CACNA1E: variants seen among roughly 807,000 people sequenced by gnomAD.
CACNA1E encodes calcium voltage-gated channel subunit alpha1 E.
CACNA1E carries 40 observed loss-of-function variants against 259.2 expected under a neutral mutation model. That is an observed-to-expected ratio of 0.15 (90% confidence interval 0.12 to 0.20). CACNA1E has a LOEUF of 0.20. CACNA1E is among the 10% of genes least tolerant of loss of function. CACNA1E has a pLI of 1.00. For missense variants in CACNA1E, 1,874 were observed against 3,040.1 expected, an observed-to-expected ratio of 0.62 and a Z score of 9.02; for synonymous variants, 1,104 against 1,138.5, an observed-to-expected ratio of 0.97 and a Z score of 0.61.
intron 2 of CACNA1E, among the ~76,000 whole-genome samples, chr1:181,455,155 G>T (rs72731213): frequency 0.13 from 20,217 of 152,206 alleles, 1,713 homozygotes; most frequent in Non-Finnish European, 0.18. Flanking sequence ...AAATAGTGGT[G>T]GTTGAAAGCC....
At chr1:181,627,473 G>T (rs184974660) in intron 6 of CACNA1E, among the ~76,000 whole-genome samples, 12 of 152,304 alleles carry the variant, frequency 7.9e-5, no homozygotes, top group Non-Finnish European at 1.6e-4. Context: ...GGGAGATAAG[G>T]CTCGGTAAAT....
chr1:181,749,773 T>C (rs983182645), intron 25 of CACNA1E, among the ~76,000 whole-genome samples: 3 of 152,256 alleles, frequency 2.0e-5, no homozygotes, highest in Non-Finnish European at 4.4e-5. Context: ...ACTGGGATGA[T>C]TTTTCACCTT....
chr1:181,561,638 G>T (rs1449923634), intron 3 of CACNA1E, among the ~76,000 whole-genome samples: 1 of 152,022 alleles, frequency 6.6e-6, no homozygotes, highest in African/African-American at 2.4e-5. Flanking sequence ...CTTTATTTCT[G>T]CCTAGTATTC....
At chr1:181,747,291 A>G (rs1019888744) in intron 25 of CACNA1E, among the ~76,000 whole-genome samples, 4 of 152,232 alleles carry the variant, frequency 2.6e-5, no homozygotes, top group African/African-American at 9.6e-5. Context: ...CCTGGCAGAA[A>G]TCAACTTGAG....
intron 1 of CACNA1E, among the ~76,000 whole-genome samples, chr1:181,407,825 T>A (rs1657575880): frequency 6.6e-6 from 1 of 152,184 alleles, no homozygotes; most frequent in Non-Finnish European, 1.5e-5. Context: ...ACTGTATCAG[T>A]TCTCTCTCAA....
intron 25 of CACNA1E, among the ~76,000 whole-genome samples, chr1:181,740,626 A>C (rs930910508): frequency 6.6e-6 from 1 of 152,170 alleles, no homozygotes; most frequent in Admixed American, 6.5e-5. Context: ...GACTGTGTCC[A>C]CTGCTTCCTC....
At chr1:181,452,424 GTT>G in intron 2 of CACNA1E, among the ~76,000 whole-genome samples, 1 of 152,300 alleles carries the variant, frequency 6.6e-6, no homozygotes, top group East Asian at 1.9e-4. Flanking sequence ...TAGATCCAAA[GTT>G]TGATTCTTTC....
chr1:181,724,250 G>T lies in CACNA1E; in HGVS notation c.2075-220G>T, dbSNP rs77413972. Among the ~76,000 whole-genome samples the T allele has an allele frequency of 3.5e-3, 535 of 152,300 alleles. 2 individuals are homozygous for T. Among genetic ancestry groups the T allele is most frequent in the African/African-American group, 0.011 (449 of 41,552 alleles). On this transcript the variant is annotated intron_variant, in intron 16 of 47. Coordinates refer to ENST00000367573, the MANE Select transcript of CACNA1E (RefSeq NM_001205293.3). ...CAAGTATTTCTTTATCCTGGGTAAA[G>T]AGATGATATGCAGAAGGAGGGAAGA...
chr1:181,608,084 A>C (rs958858450), intron 6 of CACNA1E, among the ~76,000 whole-genome samples: 2 of 152,190 alleles, frequency 1.3e-5, no homozygotes, highest in Non-Finnish European at 2.9e-5. Flanking sequence ...AGGGACCTCA[A>C]CCTGCCTGAA....
In CACNA1E at chr1:181,793,771, C is replaced by T. The variant is rs765939713; in HGVS notation, c.6005C>T (p.Pro2002Leu). ...GGATCTGGGAGGGCATCTTCTATGCCACGTCTGACTGTGGATCCCCAGGTA... is the reference window on the plus strand; with the variant it reads ...GGATCTGGGAGGGCATCTTCTATGCTACGTCTGACTGTGGATCCCCAGGTA... ...HAGSGRASSM[P>L]RLTVDPQVVT... The change falls in exon 45 of 48, where the codon CCA becomes CTA. Residue 2002 changes from proline to leucine, a missense_variant. Physicochemically the swap from Pro to Leu is moderately conservative, Grantham distance 98. Transcript: ENST00000367573. The T allele has an allele frequency of 4.3e-6, 7 of 1,611,610 alleles. No homozygotes were observed. Among genetic ancestry groups the T allele is most frequent in the Non-Finnish European group, 5.9e-6 (7 of 1,179,390 alleles).
intron 6 of CACNA1E, among the ~76,000 whole-genome samples, chr1:181,606,971 C>T (rs1001921282): frequency 1.3e-5 from 2 of 152,166 alleles, no homozygotes; most frequent in Non-Finnish European, 2.9e-5. Flanking sequence ...CACTCATGAC[C>T]CTTTCAATTT....
chr1:181,342,376 A>G (rs1352227990), intron 1 of CACNA1E, among the ~76,000 whole-genome samples: 1 of 152,210 alleles, frequency 6.6e-6, no homozygotes, highest in Admixed American at 6.5e-5. Context: ...CTATTTTGGC[A>G]CCAAGAGACA....
At chr1:181,327,188 A>G (rs1057402389) in intron 1 of CACNA1E, among the ~76,000 whole-genome samples, 3 of 152,196 alleles carry the variant, frequency 2.0e-5, no homozygotes, top group African/African-American at 7.2e-5. Context: ...ACAAGTAAAG[A>G]TGCTACTCTG....
chr1:181,458,895 T>A (rs1304651426), intron 2 of CACNA1E, among the ~76,000 whole-genome samples: 2 of 152,146 alleles, frequency 1.3e-5, no homozygotes, highest in African/African-American at 4.8e-5. Flanking sequence ...TCAACAAATA[T>A]TCAAGAAATA....
chr1:181,525,090 TAG>T (rs1195798691), intron 3 of CACNA1E, among the ~76,000 whole-genome samples: 3 of 152,226 alleles, frequency 2.0e-5, no homozygotes, highest in Admixed American at 2.0e-4. Context: ...GTCTGATGTG[TAG>T]ATAGTATATA....
In CACNA1E at chr1:181,568,028, G is replaced by A. The variant is rs897223217; in HGVS notation, c.513-9738G>A. 5.3e-5 allele frequency among the ~76,000 whole-genome samples: 8 copies of A among 151,992 alleles called. No homozygotes were observed. The East Asian group carries it at 5.8e-4, about 11-fold the overall frequency. ...GCTTAATGTAGGCTATGATCAAAAAGGCTTGAAAATCACCACTTTATATGC... is the reference window on the plus strand; with the variant it reads ...GCTTAATGTAGGCTATGATCAAAAAAGCTTGAAAATCACCACTTTATATGC... On this transcript the variant is annotated intron_variant, in intron 3 of 47. Transcript: ENST00000367573.
At chr1:181,437,406 A>G (rs1660165644) in intron 2 of CACNA1E, among the ~76,000 whole-genome samples, 5 of 152,058 alleles carry the variant, frequency 3.3e-5, no homozygotes, top group Admixed American at 1.3e-4. Flanking sequence ...ACGCCTCTTT[A>G]TCCTCGGTCC....
At position 181,790,535 on chromosome 1, in the gene CACNA1E, G is replaced by T; in HGVS notation, c.5877G>T (p.Gln1959His). Reference protein sequence around the residue: ...LACMDPADDGQFQERQSLEPE... With the variant: ...LACMDPADDGHFQERQSLEPE... Reference sequence around the variant, plus strand: ...GTATGGACCCCGCCGATGACGGACAGTTCCAAGAACGGCAGTCTCTGGTGA... The same window carrying T: ...GTATGGACCCCGCCGATGACGGACATTTCCAAGAACGGCAGTCTCTGGTGA... The change falls in exon 44 of 48, where the codon CAG (glutamine) becomes CAT (histidine). Residue 1959 changes from glutamine (Q) to histidine (H), a missense_variant. By Grantham distance (24) the Gln-to-His change is conservative. Transcript: ENST00000367573. 6.2e-7 allele frequency: 1 copy of T among 1,609,664 alleles called. No homozygotes were observed. Among genetic ancestry groups the T allele is most frequent in the Non-Finnish European group, 8.5e-7 (1 of 1,175,826 alleles).
At position 181,612,451 on chromosome 1, in the gene CACNA1E, G is replaced by A. The variant is rs187030870; in HGVS notation, c.951+31675G>A. 3.9e-5 allele frequency among the ~76,000 whole-genome samples: 6 copies of A among 152,254 alleles called. No homozygotes were observed. In the South Asian group the frequency reaches 6.2e-4, roughly 16 times the overall value. On this transcript the variant is annotated intron_variant, in intron 6 of 47. Coordinates refer to ENST00000367573, the MANE Select transcript of CACNA1E (RefSeq NM_001205293.3). ...TGGAATGCTCAGGTGTAGTGAGTTC[G>A]ACCTGAGAAACAATCAACTGTCAGG... is the stretch of plus-strand genomic sequence containing the variant.
Sources: gnomAD v4.1 joint callset for allele counts (sites outside exome capture counted in the v4.1 genomes callset) on GRCh38, gnomAD v4.1.1 for gene constraint, MANE v1.5 for transcripts, NCBI Gene and HGNC (gene_info 2026-07-23, HGNC 2026-07-21) for gene names.